TPTE2: variants seen among roughly 807,000 people sequenced by gnomAD.
TPTE2 encodes transmembrane phosphoinositide 3-phosphatase and tensin homolog 2, also known as phosphatidylinositol 3,4,5-trisphosphate 3-phosphatase TPTE2.
TPTE2 carries 53 observed loss-of-function variants against 78.6 expected under a neutral mutation model. The ratio of observed to expected loss-of-function variants is 0.67; its 90% CI spans 0.54 to 0.85. TPTE2 has a LOEUF of 0.85. Among genes scored for constraint, TPTE2 ranks in the 40% least tolerant of loss-of-function variants. The pLI, the probability that TPTE2 is intolerant of heterozygous loss-of-function variation, is 0.00. For missense variants in TPTE2, 461 were observed against 623.0 expected, an observed-to-expected ratio of 0.74 and a Z score of 2.77; for synonymous variants, 175 against 206.2, an observed-to-expected ratio of 0.85 and a Z score of 1.30.
intron 3 of TPTE2, among the ~76,000 whole-genome samples, chr13:19,483,284 A>G (rs1880465982): frequency 1.3e-5 from 2 of 152,350 alleles, no homozygotes; most frequent in South Asian, 2.1e-4. Context: ...TGAAGCCATC[A>G]GGTCCTGGAC....
chr13:19,498,340 T>C (rs1387587708), intron 1 of TPTE2, among the ~76,000 whole-genome samples: 2 of 151,402 alleles, frequency 1.3e-5, no homozygotes, highest in Non-Finnish European at 1.5e-5. Flanking sequence ...CCAAGACACA[T>C]AATTGTCAGA....
intron 3 of TPTE2, among the ~76,000 whole-genome samples, chr13:19,484,116 T>C (rs1462058909): frequency 6.6e-6 from 1 of 152,226 alleles, no homozygotes; most frequent in African/African-American, 2.4e-5. Context: ...AACATACTTC[T>C]CAATAACTGC....
intron 15 of TPTE2, among the ~76,000 whole-genome samples, chr13:19,435,067 T>C (rs1234110315): frequency 6.6e-6 from 1 of 152,192 alleles, no homozygotes; most frequent in Non-Finnish European, 1.5e-5. Flanking sequence ...AATATCCTGG[T>C]TTCTGCAATA....
chr13:19,501,861 A>G (rs1364763985), intron 1 of TPTE2, among the ~76,000 whole-genome samples: 1 of 151,698 alleles, frequency 6.6e-6, no homozygotes, highest in Non-Finnish European at 1.5e-5. Context: ...TGAACAGGCA[A>G]CCTACAAAAT....
rs181158064 is a variant in TPTE2, at chr13:19,474,424, T to C, written c.231-349A>G. On this transcript the variant is annotated intron_variant, in intron 5 of 19. Transcript: ENST00000400230. ...GTCTGTTTACAAACTCTTCCTAAAA[T>C]TTCAGAATTTCATAAGAAGTTTATA... Among the ~76,000 whole-genome samples, 107 of 152,292 alleles carry C rather than the reference T, an allele frequency of 7.0e-4. 1 individual carries two copies. Among genetic ancestry groups the C allele is most frequent in the African/African-American group, 2.3e-3 (96 of 41,570 alleles).
At chr13:19,425,115 A>C (rs907179463) in intron 18 of TPTE2, 98 bp from the exon 22 acceptor site, 2 of 591,682 alleles carry the variant, frequency 3.4e-6, no homozygotes, top group Admixed American at 3.8e-5. Flanking sequence ...ATATTTATCA[A>C]ACAATTATAA....
In TPTE2 at chr13:19,426,528, A is replaced by G. The variant is rs1375066105; in HGVS notation, c.1303-11T>C. 1 of 1,482,058 alleles carries G rather than the reference A, an allele frequency of 6.7e-7. No individual in the cohort carries two copies. The highest frequency in any genetic ancestry group is 9.4e-7 in the Non-Finnish European group (1 of 1,060,900). The allele number at this position is 1,482,058 out of a possible 1,614,324, so 91.8% of individuals were successfully genotyped here. On this transcript the variant is annotated splice_polypyrimidine_tract_variant and intron_variant, in intron 17 of 19. Coordinates refer to ENST00000400230, the Ensembl canonical transcript of TPTE2. ...AATGTCATGCAATATCTATGAATGA[A>G]CACATGGAATTGAGAACTACAAACC...
At chr13:19,426,765 C>T (rs1313000850) in intron 17 of TPTE2, among the ~76,000 whole-genome samples, 1 of 152,104 alleles carries the variant, frequency 6.6e-6, no homozygotes, top group Non-Finnish European at 1.5e-5. Flanking sequence ...AGTGCAGTGG[C>T]GTGATCTCGG....
intron 10 of TPTE2, among the ~76,000 whole-genome samples, chr13:19,452,241 T>C (rs566979148): frequency 2.4e-4 from 37 of 152,226 alleles, no homozygotes; most frequent in Non-Finnish European, 4.6e-4. Flanking sequence ...AGAAATCACA[T>C]ATAAAAACTA....
chr13:19,542,651 G>A, the TPTE2 span, among the ~76,000 whole-genome samples: 1 of 151,914 alleles, frequency 6.6e-6, no homozygotes, highest in Admixed American at 6.6e-5. Context: ...GGGGTAATGG[G>A]GGTTCATCTT....
intron 19 of TPTE2, among the ~76,000 whole-genome samples, chr13:19,424,258 A>G (rs1234174610): frequency 6.6e-6 from 1 of 152,208 alleles, no homozygotes; most frequent in East Asian, 1.9e-4. Context: ...AAAAAATCTC[A>G]ATTTTTCACC....
intron 17 of TPTE2, among the ~76,000 whole-genome samples, chr13:19,428,551 G>A (rs1471479635): frequency 1.3e-5 from 2 of 152,116 alleles, no homozygotes; most frequent in East Asian, 1.9e-4. Context: ...CAAGGCTGAG[G>A]TGGACAGGCT....
At chr13:19,513,443 T>C (rs1299240300) in intron 1 of TPTE2, among the ~76,000 whole-genome samples, 1 of 152,216 alleles carries the variant, frequency 6.6e-6, no homozygotes, top group Non-Finnish European at 1.5e-5. Context: ...TCCTCCCATC[T>C]CCAGTATCTA....
In TPTE2 at chr13:19,510,495, C is replaced by T. The variant is rs142655146; in HGVS notation, c.-43-7218G>A. Among the ~76,000 whole-genome samples, 769 of 151,754 alleles carry T rather than the reference C, an allele frequency of 5.1e-3. 2 individuals carry two copies. Among genetic ancestry groups the T allele is most frequent in the African/African-American group, 0.018 (739 of 41,052 alleles). Reference sequence around the variant, plus strand: ...AACTAATAGACTGAGTACTCACTCACCCTCACTCCCAGGGAGGGAATTAAT... The same window carrying T: ...AACTAATAGACTGAGTACTCACTCATCCTCACTCCCAGGGAGGGAATTAAT... On this transcript the variant is annotated intron_variant, in intron 1 of 17. Coordinates refer to the TPTE2 transcript ENST00000390680.
Position 19,423,169 on chromosome 13 carries a change from GA to G in TPTE2, c.1467-6del. On this transcript the variant is annotated splice_polypyrimidine_tract_variant and splice_region_variant and intron_variant, in intron 19 of 19. Coordinates refer to ENST00000400230, the Ensembl canonical transcript of TPTE2. ...TCATTTCTTGGTAGACAAAGCCTAA[GA>G]ATAGAAAAAAAAAATTACATTTTAT... The G allele has an allele frequency of 1.3e-6, 2 of 1,578,824 alleles. No homozygotes were observed. The highest frequency in any genetic ancestry group is 1.7e-6 in the Non-Finnish European group (2 of 1,164,862).
At chr13:19,538,365 C>T (rs9314952), upstream of TPTE2, among the ~76,000 whole-genome samples, 94,458 of 150,812 alleles carry the variant, frequency 0.63, 33,019 homozygotes, top group East Asian at 0.88. Context: ...GGACTACAGG[C>T]GCCCGCCACC....
At chr13:19,499,136 A>C (rs1234272022) in intron 1 of TPTE2, among the ~76,000 whole-genome samples, 5 of 152,150 alleles carry the variant, frequency 3.3e-5, no homozygotes, top group Non-Finnish European at 7.3e-5. Context: ...CAGGAGCACC[A>C]AGACTCATAA....
intron 19 of TPTE2, among the ~76,000 whole-genome samples, chr13:19,423,671 T>G (rs1298235550): frequency 6.6e-6 from 1 of 152,164 alleles, no homozygotes; most frequent in South Asian, 2.1e-4. Flanking sequence ...ATGATAGAAG[T>G]TAGCATTTTT....
At chr13:19,471,620 T>C (rs1036938479) in intron 6 of TPTE2, among the ~76,000 whole-genome samples, 5 of 150,966 alleles carry the variant, frequency 3.3e-5, no homozygotes, top group African/African-American at 1.2e-4. Flanking sequence ...TATATCTTAT[T>C]ATACCATCTA....
Sources: allele counts gnomAD v4.1 joint callset (sites outside exome capture counted in the v4.1 genomes callset), GRCh38; gene constraint gnomAD v4.1.1; transcripts MANE v1.5; gene names NCBI Gene and HGNC (gene_info 2026-07-23, HGNC 2026-07-21).